MYT1L: variants seen among roughly 807,000 people sequenced by gnomAD.
The protein encoded by MYT1L is myelin transcription factor 1 like, also known as myelin transcription factor 1-like protein.
MYT1L carries 12 observed loss-of-function variants against 126.7 expected under a neutral mutation model. The observed-to-expected ratio is 0.09, with a 90% CI of 0.06 to 0.15. The LOEUF is 0.15. MYT1L is among the 10% of genes least tolerant of loss of function. MYT1L has a pLI of 1.00. For missense variants in MYT1L, 979 were observed against 1,585.2 expected, an observed-to-expected ratio of 0.62 and a Z score of 6.49; for synonymous variants, 541 against 604.2, an observed-to-expected ratio of 0.90 and a Z score of 1.53.
In MYT1L at chr2:2,121,762, G is replaced by C. The variant is rs577048802; in HGVS notation, c.-304+51110C>G. On this transcript the variant is annotated intron_variant, in intron 3 of 24. Coordinates refer to ENST00000647738, the MANE Select transcript of MYT1L (RefSeq NM_001303052.2). ...GGCCTCCCAAAGTGCTAGGATTACA[G>C]GTGTGAGCCACCGCGTTTTTTCAAG... Among the ~76,000 whole-genome samples the C allele has an allele frequency of 6.5e-4, 99 of 152,336 alleles. No homozygotes were observed. The South Asian group carries it at 0.02, about 31-fold the overall frequency.
rs2052237921 is a variant in MYT1L at position 1,912,796 on chromosome 2, G to A, written c.1619-686C>T. Among the ~76,000 whole-genome samples the A allele has an allele frequency of 6.6e-6, 1 of 152,210 alleles. No individual in the cohort carries two copies. Among genetic ancestry groups the A allele is most frequent in the Non-Finnish European group, 1.5e-5 (1 of 68,042 alleles). ...TGGACACCTTTTGTGGTGCAAGGAT[G>A]CTACTGGCTGGTCGGCAGGGGAGAG... On this transcript the variant is annotated intron_variant, in intron 11 of 24. Transcript: ENST00000647738. This position sits in a 1 kb window ranked among gnomAD's most constrained non-coding sequence, Gnocchi z 4.3.
At chr2:2,008,088 AC>A (rs1241588636) in intron 4 of MYT1L, among the ~76,000 whole-genome samples, 2 of 151,834 alleles carry the variant, frequency 1.3e-5, no homozygotes, top group African/African-American at 4.8e-5. Flanking sequence ...CTCCATGTGG[AC>A]CCCCCAATAG....
At chr2:2,285,930 T>C (rs2095513466) in intron 1 of MYT1L, among the ~76,000 whole-genome samples, 1 of 152,144 alleles carries the variant, frequency 6.6e-6, no homozygotes, top group Admixed American at 6.5e-5. Context: ...GCCTCCAGTT[T>C]CTCAGACCCT....
intron 3 of MYT1L, among the ~76,000 whole-genome samples, chr2:2,098,140 C>T (rs2077648900): frequency 6.6e-6 from 1 of 152,150 alleles, no homozygotes; most frequent in African/African-American, 2.4e-5. Flanking sequence ...TTATAAATTA[C>T]CCAGCCTCAG....
At chr2:1,983,632 A>C (rs2060777619) in intron 5 of MYT1L, among the ~76,000 whole-genome samples, 1 of 152,194 alleles carries the variant, frequency 6.6e-6, no homozygotes, top group Admixed American at 6.5e-5. Flanking sequence ...TACCCGCCTG[A>C]AAAGAATGCT....
chr2:2,230,393 ATG>A (rs2094132666), intron 2 of MYT1L, among the ~76,000 whole-genome samples: 3 of 152,244 alleles, frequency 2.0e-5, no homozygotes, highest in African/African-American at 7.2e-5. Flanking sequence ...ATTAGGATGT[ATG>A]CTAAGTAATA....
intron 8 of MYT1L, among the ~76,000 whole-genome samples, chr2:1,952,765 CCCTCCCTTCCCTCCTTT>C (rs2057923685): frequency 2.0e-5 from 1 of 50,604 alleles, no homozygotes; most frequent in Admixed American, 1.6e-4. Flanking sequence ...TTCCCTCCTT[CCCTCCCTTCCCTCCTTT>C]CCTCCCTTCC....
chr2:1,949,581 T>C (rs1044657521), intron 8 of MYT1L, among the ~76,000 whole-genome samples: 7 of 152,252 alleles, frequency 4.6e-5, no homozygotes, highest in African/African-American at 1.7e-4. Context: ...ATGTAGTGCA[T>C]TCTCGCACTT....
At chr2:2,168,003 A>T (rs563987521) in intron 3 of MYT1L, among the ~76,000 whole-genome samples, 10 of 152,354 alleles carry the variant, frequency 6.6e-5, no homozygotes, top group African/African-American at 2.2e-4. Context: ...TTTATTTTAA[A>T]AAAAAATAGG....
At chr2:2,020,237 T>A (rs1307669078) in intron 4 of MYT1L, among the ~76,000 whole-genome samples, 1 of 152,230 alleles carries the variant, frequency 6.6e-6, no homozygotes, top group African/African-American at 2.4e-5. Flanking sequence ...CTATCACGTG[T>A]TGATATAAAT....
chr2:2,172,147 G>A (rs1008801045), intron 3 of MYT1L, among the ~76,000 whole-genome samples: 1 of 152,034 alleles, frequency 6.6e-6, no homozygotes, highest in South Asian at 2.1e-4. Context: ...CAGTCTTGTC[G>A]ACCTCCAGCC....
intron 2 of MYT1L, among the ~76,000 whole-genome samples, chr2:2,207,692 C>A (rs113797871): frequency 6.6e-6 from 1 of 152,160 alleles, no homozygotes; most frequent in Admixed American, 6.5e-5. Flanking sequence ...ATCACAGATT[C>A]TCTCAGGATC....
At chr2:2,190,698 A>C (rs1321010370) in intron 2 of MYT1L, among the ~76,000 whole-genome samples, 1 of 152,186 alleles carries the variant, frequency 6.6e-6, no homozygotes, top group Non-Finnish European at 1.5e-5. Flanking sequence ...TGAATGAATG[A>C]GATAACCTGT....
intron 2 of MYT1L, among the ~76,000 whole-genome samples, chr2:2,247,147 T>C (rs4553850): frequency 0.18 from 27,690 of 152,038 alleles, 2,974 homozygotes; most frequent in South Asian, 0.32. Context: ...TACAAGAAAC[T>C]TTACCTATAA....
intron 18 of MYT1L, among the ~76,000 whole-genome samples, chr2:1,882,918 G>C (rs1220326560): frequency 6.6e-6 from 1 of 152,228 alleles, no homozygotes; most frequent in East Asian, 1.9e-4. Flanking sequence ...ATTTTAAAAT[G>C]CATGTAACCA....
At chr2:1,855,411 T>C (rs767859343) in intron 18 of MYT1L, among the ~76,000 whole-genome samples, 22 of 152,280 alleles carry the variant, frequency 1.4e-4, no homozygotes, top group Non-Finnish European at 2.8e-4. Context: ...GCTGCACAGC[T>C]TGGGTTTGGA....
chr2:2,274,573 G>A (rs1469252827), intron 2 of MYT1L, among the ~76,000 whole-genome samples: 1 of 152,202 alleles, frequency 6.6e-6, no homozygotes, highest in African/African-American at 2.4e-5. Flanking sequence ...ATTTGGGCTT[G>A]TTTTTATCTA....
intron 4 of MYT1L, among the ~76,000 whole-genome samples, chr2:2,050,163 A>C (rs1008567143): frequency 5.9e-5 from 9 of 152,144 alleles, no homozygotes; most frequent in African/African-American, 2.2e-4. Context: ...CTTCTGTTTT[A>C]CAAAAAAAAG....
chr2:2,203,409 GC>G (rs1300349367), intron 2 of MYT1L, among the ~76,000 whole-genome samples: 1 of 148,366 alleles, frequency 6.7e-6, no homozygotes, highest in East Asian at 2.0e-4. Flanking sequence ...AGCAACTTCA[GC>G]AAATCTCAGG....
Sources: gnomAD v4.1 joint callset for allele counts (sites outside exome capture counted in the v4.1 genomes callset) on GRCh38, gnomAD v4.1.1 for gene constraint, Gnocchi (gnomAD v3.1) non-coding constraint, MANE v1.5 for transcripts, NCBI Gene and HGNC (gene_info 2026-07-23, HGNC 2026-07-21) for gene names.